CAMTA1: variants seen among roughly 807,000 people sequenced by gnomAD.
The protein encoded by CAMTA1 is calmodulin binding transcription activator 1, also known as calmodulin-binding transcription activator 1.
Under a neutral mutation model 170.9 loss-of-function variants are expected in CAMTA1, and 27 were observed. The observed-to-expected ratio is 0.16, with a 90% CI of 0.12 to 0.22. CAMTA1 has a LOEUF of 0.22. CAMTA1 is among the 10% of genes least tolerant of loss of function. The pLI is 1.00. For missense variants in CAMTA1, 1,619 were observed against 2,217.2 expected (o/e 0.73, Z 5.42); for synonymous variants, 833 against 891.5 (o/e 0.93, Z 1.17).
chr1:7,488,828 A>G (rs2093659136), intron 6 of CAMTA1, among the ~76,000 whole-genome samples: 2 of 152,160 alleles, frequency 1.3e-5, no homozygotes, highest in Admixed American at 6.5e-5. Flanking sequence ...CCTTAACATC[A>G]CACACATATG....
chr1:7,519,012 ATCT>A (rs2094325552), intron 6 of CAMTA1, among the ~76,000 whole-genome samples: 1 of 151,966 alleles, frequency 6.6e-6, no homozygotes, highest in South Asian at 2.1e-4. Flanking sequence ...TCTCAAGGAA[ATCT>A]TCTGGCCTTC....
intron 5 of CAMTA1, among the ~76,000 whole-genome samples, chr1:7,320,356 G>A (rs1451275741): frequency 6.6e-6 from 1 of 152,144 alleles, no homozygotes; most frequent in Non-Finnish European, 1.5e-5. Context: ...GAATGAAAAT[G>A]TTTTCTGATT....
At chr1:7,671,479 C>T (rs536558172) in intron 10 of CAMTA1, among the ~76,000 whole-genome samples, 1 of 152,188 alleles carries the variant, frequency 6.6e-6, no homozygotes, top group East Asian at 1.9e-4. Flanking sequence ...GCCAGGAGAG[C>T]CCAGGCAATG....
intron 3 of CAMTA1, among the ~76,000 whole-genome samples, chr1:6,915,176 C>G (rs911269163): frequency 6.6e-6 from 1 of 152,204 alleles, no homozygotes; most frequent in East Asian, 1.9e-4. Flanking sequence ...TTGGATTCCT[C>G]TACTTTGTCA....
At chr1:7,497,624 C>T (rs2093851160) in intron 6 of CAMTA1, among the ~76,000 whole-genome samples, 1 of 152,194 alleles carries the variant, frequency 6.6e-6, no homozygotes, top group Admixed American at 6.5e-5. Flanking sequence ...ATTTGTGCTT[C>T]TTGTACTCTC....
chr1:7,308,363 C>G (rs1339436388), intron 5 of CAMTA1, among the ~76,000 whole-genome samples: 2 of 151,432 alleles, frequency 1.3e-5, no homozygotes, highest in Non-Finnish European at 2.9e-5. Flanking sequence ...GTAATTCATT[C>G]TTATTTTACT....
chr1:7,627,236 G>A (rs988717959), intron 6 of CAMTA1, among the ~76,000 whole-genome samples: 8 of 152,196 alleles, frequency 5.3e-5, no homozygotes, highest in Admixed American at 3.3e-4. Context: ...TTAGCTCATC[G>A]TCTGTTGGAG....
intron 19 of CAMTA1, among the ~76,000 whole-genome samples, chr1:7,749,943 G>A (rs1316854547): frequency 2.6e-5 from 4 of 152,296 alleles, no homozygotes; most frequent in Non-Finnish European, 2.9e-5. Flanking sequence ...TTCCTCTGTC[G>A]TCTGGGGACC....
intron 5 of CAMTA1, among the ~76,000 whole-genome samples, chr1:7,288,536 A>G (rs1390548677): frequency 2.0e-5 from 3 of 152,186 alleles, no homozygotes; most frequent in Non-Finnish European, 2.9e-5. Flanking sequence ...GGTTGTGGGC[A>G]TGGAAGAGGA....
chr1:6,785,633 C>G (rs1638927989), intron 1 of CAMTA1, 58 bp downstream of exon 1: 1 of 954,168 alleles, frequency 1.0e-6, no homozygotes, highest in Admixed American at 6.7e-5. Flanking sequence ...GGACCCGGCC[C>G]CGCCGGACAT....
At chr1:7,395,000 A>G (rs1188337077) in intron 5 of CAMTA1, among the ~76,000 whole-genome samples, 1 of 151,630 alleles carries the variant, frequency 6.6e-6, no homozygotes, top group Non-Finnish European at 1.5e-5. Context: ...CTTCTGCCTC[A>G]GCGTCCCAAG....
intron 3 of CAMTA1, among the ~76,000 whole-genome samples, chr1:7,033,839 C>T (rs1703158455): frequency 6.6e-6 from 1 of 152,056 alleles, no homozygotes; most frequent in Non-Finnish European, 1.5e-5. Context: ...AGTGATCCAC[C>T]CCCTTTGGCC....
At chr1:7,350,126 C>T (rs1221733185) in intron 5 of CAMTA1, among the ~76,000 whole-genome samples, 1 of 152,142 alleles carries the variant, frequency 6.6e-6, no homozygotes, top group East Asian at 1.9e-4. Flanking sequence ...GAGAGGGGTG[C>T]TCACTCCTGT....
In CAMTA1 at chr1:6,999,218, A is replaced by G. The variant is rs192124227; in HGVS notation, c.235-92086A>G. Among the ~76,000 whole-genome samples the G allele has an allele frequency of 5.3e-5, 8 of 152,104 alleles. No individual in the cohort carries two copies. In the East Asian group the frequency reaches 7.7e-4, roughly 15 times the overall value. On this transcript the variant is annotated intron_variant, in intron 3 of 22. Coordinates refer to ENST00000303635, the MANE Select transcript of CAMTA1 (RefSeq NM_015215.4). Reference sequence around the variant, plus strand: ...GTTTGCCTCTTAATTCTGCTTCCTGATATAAACATAGGGTTTGTCTTTGTG... The same window carrying G: ...GTTTGCCTCTTAATTCTGCTTCCTGGTATAAACATAGGGTTTGTCTTTGTG...
At chr1:7,548,724 C>T (rs575141352) in intron 6 of CAMTA1, among the ~76,000 whole-genome samples, 1 of 96,968 alleles carries the variant, frequency 1.0e-5, no homozygotes, top group African/African-American at 3.3e-5. Context: ...GAGGGTGCCT[C>T]CTTAGGGGTG....
At chr1:7,627,136 A>G (rs1189343466) in intron 6 of CAMTA1, among the ~76,000 whole-genome samples, 1 of 152,188 alleles carries the variant, frequency 6.6e-6, no homozygotes, top group Non-Finnish European at 1.5e-5. Flanking sequence ...TTTCGGGAAA[A>G]TGGAGCTTTG....
rs981111778 is a variant in CAMTA1, at chr1:7,561,247, T to A, written c.511-79153T>A. Among the ~76,000 whole-genome samples the A allele has an allele frequency of 4.0e-5, 6 of 151,658 alleles. No homozygotes were observed. On this transcript the variant is annotated intron_variant, in intron 6 of 22. Coordinates refer to ENST00000303635, the MANE Select transcript of CAMTA1 (RefSeq NM_015215.4). This position sits in a 1 kb window ranked among gnomAD's most constrained non-coding sequence, Gnocchi z 5.3. ...GTTCAGCAGGAGCACCTGGATCTGA[T>A]ATTGATCATCCCAGCCCCTCTACCA...
intron 1 of CAMTA1, among the ~76,000 whole-genome samples, chr1:6,809,168 A>AG (rs1644879363): frequency 6.6e-6 from 1 of 151,834 alleles, no homozygotes; most frequent in African/African-American, 2.4e-5. Flanking sequence ...CTGGGATTAC[A>AG]GGCACCCACC....
chr1:7,517,397 C>T (rs1447683839), intron 6 of CAMTA1, among the ~76,000 whole-genome samples: 3 of 152,130 alleles, frequency 2.0e-5, no homozygotes, highest in Non-Finnish European at 4.4e-5. Flanking sequence ...TAAAGCTGTT[C>T]CCCAACCTGT....
Sources: allele counts gnomAD v4.1 joint callset (sites outside exome capture counted in the v4.1 genomes callset), GRCh38; gene constraint gnomAD v4.1.1; non-coding constraint Gnocchi (gnomAD v3.1); transcripts MANE v1.5; gene names NCBI Gene and HGNC (gene_info 2026-07-23, HGNC 2026-07-21).